Variants in NSMCE2 observed in about 807,000 individuals in gnomAD.
NSMCE2 encodes E3 SUMO-protein ligase NSE2.
Under a neutral mutation model 23.8 loss-of-function variants are expected in NSMCE2, and 24 were observed. That is an observed-to-expected ratio of 1.01 (90% confidence interval 0.73 to 1.42). NSMCE2 has a LOEUF of 1.42. Among genes scored for constraint, NSMCE2 ranks in the 40% most tolerant of loss-of-function variants. The pLI, the probability that NSMCE2 is intolerant of heterozygous loss-of-function variation, is 0.00. For synonymous variants in NSMCE2, 92 were observed against 94.1 expected (o/e 0.98, Z 0.13); for missense variants, 284 against 296.5 (o/e 0.96, Z 0.31).
intron 5 of NSMCE2, among the ~76,000 whole-genome samples, chr8:125,274,929 CAAA>C (rs36192929): frequency 3.3e-5 from 2 of 59,866 alleles, no homozygotes. Flanking sequence ...GACTCAGTCT[CAAA>C]AAAAAAAAAA....
At chr8:125,284,363 G>T (rs909005232) in intron 5 of NSMCE2, among the ~76,000 whole-genome samples, 15 of 152,140 alleles carry the variant, frequency 9.9e-5, no homozygotes, top group Non-Finnish European at 2.2e-4. Context: ...AGCTAAGGCT[G>T]CCATCCACTT....
intron 7 of NSMCE2, among the ~76,000 whole-genome samples, chr8:125,358,800 G>GATT (rs1813398630): frequency 6.6e-6 from 1 of 152,170 alleles, no homozygotes; most frequent in Non-Finnish European, 1.5e-5. Flanking sequence ...CCTCATCTGG[G>GATT]TGTGGACTTA....
intron 5 of NSMCE2, among the ~76,000 whole-genome samples, chr8:125,183,316 C>G (rs1306854445): frequency 6.6e-6 from 1 of 152,084 alleles, no homozygotes; most frequent in Admixed American, 6.6e-5. Flanking sequence ...TTAAGTTTCA[C>G]AATTTGGAAT....
chr8:125,330,526 C>T (rs565340008), intron 5 of NSMCE2, among the ~76,000 whole-genome samples: 14 of 152,164 alleles, frequency 9.2e-5, no homozygotes, highest in African/African-American at 2.7e-4. Flanking sequence ...AATCTCCTGC[C>T]CTCTTGCCAA....
intron 3 of NSMCE2, among the ~76,000 whole-genome samples, chr8:125,118,313 A>G (rs1262295965): frequency 6.6e-6 from 1 of 152,092 alleles, no homozygotes; most frequent in Non-Finnish European, 1.5e-5. Flanking sequence ...GCCAGGAGGC[A>G]GAGGTTGCAG....
chr8:125,118,507 G>GTCAGTC, intron 3 of NSMCE2, among the ~76,000 whole-genome samples: 1 of 152,256 alleles, frequency 6.6e-6, no homozygotes, highest in Non-Finnish European at 1.5e-5. Context: ...TACACTTTGA[G>GTCAGTC]AACCCTTCTC....
intron 5 of NSMCE2, among the ~76,000 whole-genome samples, chr8:125,206,591 G>A (rs1162313517): frequency 6.6e-6 from 1 of 152,198 alleles, no homozygotes; most frequent in African/African-American, 2.4e-5. Flanking sequence ...AGACTTAGGA[G>A]AACAAGGAGT....
chr8:125,160,934 G>A (rs769768850), intron 4 of NSMCE2, among the ~76,000 whole-genome samples: 83 of 152,192 alleles, frequency 5.5e-4, no homozygotes, highest in Non-Finnish European at 9.8e-4. Flanking sequence ...AAATGTGTTG[G>A]ATTTATGCCT....
chr8:125,153,052 G>A (rs1438027302), intron 4 of NSMCE2, among the ~76,000 whole-genome samples: 35 of 78,648 alleles, frequency 4.5e-4, no homozygotes, highest in African/African-American at 2.1e-3. Flanking sequence ...GCGAGACTCC[G>A]TCTCAAAAAA....
chr8:125,347,267 CT>C (rs1395603171), intron 5 of NSMCE2, among the ~76,000 whole-genome samples: 5 of 152,140 alleles, frequency 3.3e-5, no homozygotes, highest in African/African-American at 1.2e-4. Context: ...CCAAGCAGGC[CT>C]CTTTCCAGAG....
rs145801621 is a variant in NSMCE2, at chr8:125,117,366, C to T, written c.157+14879C>T. ...CCTCCCAAAGTGCTAGGATTACAGG[C>T]GTGAGCCACTGCTCCCAGCCTTCAG... On this transcript the variant is annotated intron_variant, in intron 3 of 7. Coordinates refer to ENST00000287437, the MANE Select transcript of NSMCE2 (RefSeq NM_173685.4). 3.2e-3 allele frequency among the ~76,000 whole-genome samples: 494 copies of T among 152,136 alleles called. 1 individual carries two copies. The highest frequency in any genetic ancestry group is 0.011 in the African/African-American group (469 of 41,500).
At chr8:125,262,030 G>T (rs888337732) in intron 5 of NSMCE2, among the ~76,000 whole-genome samples, 1 of 152,054 alleles carries the variant, frequency 6.6e-6, no homozygotes, top group Non-Finnish European at 1.5e-5. Context: ...CCAGGAGGTG[G>T]AGGTTGCAGT....
intron 5 of NSMCE2, among the ~76,000 whole-genome samples, chr8:125,329,128 T>C (rs1338619569): frequency 6.6e-6 from 1 of 152,184 alleles, no homozygotes; most frequent in African/African-American, 2.4e-5. Context: ...TCATGCTTGG[T>C]AAAATCCCTA....
chr8:125,348,033 C>A (rs903919885), intron 5 of NSMCE2, among the ~76,000 whole-genome samples: 1 of 152,198 alleles, frequency 6.6e-6, no homozygotes, highest in Non-Finnish European at 1.5e-5. Flanking sequence ...CGAGACCTTC[C>A]TTCCACAGTA....
At chr8:125,126,508 A>G (rs1368110909) in intron 3 of NSMCE2, among the ~76,000 whole-genome samples, 1 of 152,172 alleles carries the variant, frequency 6.6e-6, no homozygotes, top group Non-Finnish European at 1.5e-5. Flanking sequence ...GGCCTTTCCA[A>G]GAATTTTACC....
intron 5 of NSMCE2, among the ~76,000 whole-genome samples, chr8:125,206,228 T>C (rs1266198283): frequency 6.6e-6 from 1 of 152,154 alleles, no homozygotes; most frequent in African/African-American, 2.4e-5. Context: ...GCAAATAAAA[T>C]AATCCAGTTA....
At chr8:125,134,393 G>A (rs994869057) in intron 3 of NSMCE2, among the ~76,000 whole-genome samples, 3 of 152,118 alleles carry the variant, frequency 2.0e-5, no homozygotes, top group Non-Finnish European at 4.4e-5. Flanking sequence ...GTATATTAAG[G>A]GAACTCTATA....
chr8:125,361,641 C>A (rs896447316), intron 7 of NSMCE2, among the ~76,000 whole-genome samples: 1 of 152,132 alleles, frequency 6.6e-6, no homozygotes, highest in South Asian at 2.1e-4. Flanking sequence ...TAGGTCTGGA[C>A]CAGCACATTT....
chr8:125,152,610 T>C (rs1233192166), intron 4 of NSMCE2, among the ~76,000 whole-genome samples: 1 of 152,204 alleles, frequency 6.6e-6, no homozygotes, highest in Non-Finnish European at 1.5e-5. Context: ...TTGATAAGCC[T>C]TTCTATCTTT....
Sources: allele counts gnomAD v4.1 joint callset (sites outside exome capture counted in the v4.1 genomes callset), GRCh38; gene constraint gnomAD v4.1.1; transcripts MANE v1.5; gene names NCBI Gene and HGNC (gene_info 2026-07-23, HGNC 2026-07-21).